Variants in ELOVL2 observed in about 807,000 individuals in gnomAD.
The protein encoded by ELOVL2 is very long chain fatty acid elongase 2.
A neutral mutation model predicts 37.7 loss-of-function variants in ELOVL2; 38 were observed. That is an observed-to-expected ratio of 1.01 (90% CI 0.78 to 1.32). ELOVL2 has a LOEUF of 1.32. Among genes scored for constraint, ELOVL2 ranks in the 40% most tolerant of loss-of-function variants. ELOVL2 has a pLI of 0.00. For synonymous variants in ELOVL2, 115 were observed against 122.3 expected (o/e 0.94, Z 0.40); for missense variants, 352 against 363.6 (o/e 0.97, Z 0.26).
chr6:11,040,383 C>T (rs1418077725), intron 1 of ELOVL2, among the ~76,000 whole-genome samples: 1 of 152,058 alleles, frequency 6.6e-6, no homozygotes, highest in African/African-American at 2.4e-5. Flanking sequence ...CGCTGAAATA[C>T]GGCTAGCCTG....
intron 1 of ELOVL2, among the ~76,000 whole-genome samples, chr6:11,036,276 C>T (rs1783003923): frequency 1.3e-5 from 2 of 152,178 alleles, no homozygotes; most frequent in Admixed American, 6.5e-5. Context: ...GCTTTGATGT[C>T]ATAATCCTGC....
intron 1 of ELOVL2, among the ~76,000 whole-genome samples, chr6:11,026,478 TG>T (rs1161757469): frequency 3.3e-5 from 5 of 152,162 alleles, no homozygotes; most frequent in African/African-American, 9.7e-5. Context: ...GTGATCCTTC[TG>T]GGCTATAACA....
At chr6:11,028,035 T>C (rs1336372190) in intron 1 of ELOVL2, among the ~76,000 whole-genome samples, 1 of 152,194 alleles carries the variant, frequency 6.6e-6, no homozygotes, top group Non-Finnish European at 1.5e-5. Flanking sequence ...TCCTTTTGCC[T>C]GAGCCTTGCT....
chr6:11,020,256 G>C (rs1561724586), intron 1 of ELOVL2, among the ~76,000 whole-genome samples: 1 of 152,006 alleles, frequency 6.6e-6, no homozygotes, highest in Non-Finnish European at 1.5e-5. Context: ...GAAATGAGAT[G>C]ATATCATGAT....
intron 4 of ELOVL2, among the ~76,000 whole-genome samples, chr6:10,996,031 T>A (rs543449769): frequency 6.6e-6 from 1 of 152,356 alleles, no homozygotes; most frequent in South Asian, 2.1e-4. Context: ...GAGGTCATGA[T>A]AACACATCCT....
chr6:11,009,242 C>T (rs1423732302), intron 2 of ELOVL2, among the ~76,000 whole-genome samples: 1 of 152,192 alleles, frequency 6.6e-6, no homozygotes, highest in African/African-American at 2.4e-5. Context: ...GCAGACCCCT[C>T]TGGATGCCTG....
rs1783077819 is a variant in ELOVL2 at position 11,040,184 on chromosome 6, CA to C, written c.3+4043del. Among the ~76,000 whole-genome samples the C allele has an allele frequency of 5.9e-5, 9 of 152,178 alleles. 1 individual carries two copies. The South Asian group carries it at 1.7e-3, about 28-fold the overall frequency. On this transcript the variant is annotated intron_variant, in intron 1 of 7. Transcript: ENST00000354666. ...GAAGAGCTGGTGGAATTACTAACAGCAAAAGAGAACAGAGAAGAGAGTCTGA... is the reference window on the plus strand; with the variant it reads ...GAAGAGCTGGTGGAATTACTAACAGCAAAGAGAACAGAGAAGAGAGTCTGA...
At chr6:10,994,890 G>A (rs982553637) in intron 5 of ELOVL2, 117 bp downstream of exon 5, 22 of 793,616 alleles carry the variant, frequency 2.8e-5, no homozygotes, top group African/African-American at 2.1e-4. Context: ...CGGCAAGGCC[G>A]GCGCTCTAGG....
intron 5 of ELOVL2, among the ~76,000 whole-genome samples, chr6:10,990,905 T>C (rs1242756675): frequency 6.6e-6 from 1 of 152,232 alleles, no homozygotes; most frequent in Non-Finnish European, 1.5e-5. Context: ...ATTGCTTTCA[T>C]AATTAAGTAA....
intron 1 of ELOVL2, among the ~76,000 whole-genome samples, chr6:11,021,545 A>G (rs982447133): frequency 6.6e-6 from 1 of 152,094 alleles, no homozygotes; most frequent in Non-Finnish European, 1.5e-5. Flanking sequence ...AGGAAGAGAG[A>G]ACAGAGACAA....
intron 1 of ELOVL2, chr6:11,043,550 G>A (rs978627719): frequency 6.6e-6 from 1 of 152,260 alleles, no homozygotes; most frequent in African/African-American, 2.4e-5. Flanking sequence ...CTGGGAAATC[G>A]GGCAGAGAGA....
chr6:11,013,185 C>G (rs1477744163), intron 1 of ELOVL2, among the ~76,000 whole-genome samples: 1 of 152,162 alleles, frequency 6.6e-6, no homozygotes, highest in Non-Finnish European at 1.5e-5. Flanking sequence ...ACAGCCAATG[C>G]TGGGAAAATC....
intron 4 of ELOVL2, among the ~76,000 whole-genome samples, chr6:10,996,904 GGAGGCT>G (rs1264075325): frequency 2.6e-5 from 4 of 152,040 alleles, no homozygotes; most frequent in Admixed American, 2.6e-4. Flanking sequence ...TAGCTAATCG[GGAGGCT>G]GAGGCAGAAG....
chr6:10,989,484 C>G (rs1285459134), intron 7 of ELOVL2, among the ~76,000 whole-genome samples: 2 of 152,208 alleles, frequency 1.3e-5, no homozygotes, highest in Admixed American at 1.3e-4. Context: ...GAAACCCCAT[C>G]TGTACTAAAA....
intron 1 of ELOVL2, among the ~76,000 whole-genome samples, chr6:11,020,414 A>G (rs959245177): frequency 6.6e-6 from 1 of 152,254 alleles, no homozygotes; most frequent in African/African-American, 2.4e-5. Flanking sequence ...GTAATTGGCA[A>G]TAAGCGTTTG....
At position 11,000,139 on chromosome 6, in the gene ELOVL2, C is replaced by T. The variant is rs529374415; in HGVS notation, c.281G>A (p.Gly94Asp). 9 of 1,614,112 alleles carry T rather than the reference C, an allele frequency of 5.6e-6. No individual in the cohort carries two copies. Among genetic ancestry groups the T allele is most frequent in the African/African-American group, 5.3e-5 (4 of 75,024 alleles). The change falls in exon 4 of 8, where the codon GGC (glycine) becomes GAC (aspartate). Residue 94 changes from glycine (G) to aspartate (D), a missense_variant. Transcript: ENST00000354666. Reference protein sequence around the residue: ...AELILSTWEGGYNLQCQDLTS... With the variant: ...AELILSTWEGDYNLQCQDLTS... ...AAGATCTTGACACTGTAAGTTGTAG[C>T]CTCCTTCCCAAGTGGAGAGAATGAG...
intron 3 of ELOVL2, among the ~76,000 whole-genome samples, chr6:11,000,729 C>T (rs1427078053): frequency 6.6e-6 from 1 of 152,162 alleles, no homozygotes; most frequent in Admixed American, 6.5e-5. Context: ...TCTCAAAAAC[C>T]AACAAGCTCC....
At chr6:10,993,346 G>A (rs1350065232) in intron 5 of ELOVL2, among the ~76,000 whole-genome samples, 1 of 152,098 alleles carries the variant, frequency 6.6e-6, no homozygotes, top group Non-Finnish European at 1.5e-5. Context: ...TTTCCTACAA[G>A]GAGGTTTTGC....
intron 7 of ELOVL2, among the ~76,000 whole-genome samples, chr6:10,986,267 C>G (rs1782051369): frequency 6.6e-6 from 1 of 151,972 alleles, no homozygotes; most frequent in African/African-American, 2.4e-5. Context: ...ATGGGGTTTT[C>G]TAGATATACA....
Sources: gnomAD v4.1 joint callset for allele counts (sites outside exome capture counted in the v4.1 genomes callset) on GRCh38, gnomAD v4.1.1 for gene constraint, MANE v1.5 for transcripts, NCBI Gene and HGNC (gene_info 2026-07-23, HGNC 2026-07-21) for gene names.